The following ZNF516 variants were observed in gnomAD, a reference collection of about 807,000 sequenced individuals.
ZNF516 encodes zinc finger protein 516.
ZNF516 carries 19 observed loss-of-function variants against 79.7 expected under a neutral mutation model. The observed-to-expected ratio is 0.24, with a 90% CI of 0.17 to 0.35. ZNF516 has a LOEUF of 0.35. Among genes scored for constraint, ZNF516 ranks in the 10% least tolerant of loss-of-function variants. The probability of loss-of-function intolerance (pLI) is 1.00; values close to 1 mark genes in which losing one functional copy is unlikely to be tolerated. For synonymous variants in ZNF516, 877 were observed against 739.5 expected, an observed-to-expected ratio of 1.19 and a Z score of -3.02; for missense variants, 1,678 against 1,679.5, an observed-to-expected ratio of 1.00 and a Z score of 0.02.
Position 76,441,964 on chromosome 18 carries a change from C to A in ZNF516, c.1091G>T (p.Arg364Leu). Reference sequence around the variant, plus strand: ...CCCCTCCTCGGCCGGGGCGCGCGTGCGGCTGGCCTCGACTCTGCGGTGGAT... The same window carrying A: ...CCCCTCCTCGGCCGGGGCGCGCGTGAGGCTGGCCTCGACTCTGCGGTGGAT... ...NAIHRRVEAS[R>L]TRAPAEEGAE... The change falls in exon 3 of 7, where the codon CGC becomes CTC. Residue 364 changes from arginine to leucine, a missense_variant. By Grantham distance (102) the Arg-to-Leu change is moderately radical. Around this residue, in one of 5 missense-constraint regions of ZNF516, gnomAD observed 1,294 missense variants for 1,248.3 expected, o/e 1.04. Transcript: ENST00000443185. 1 of 1,612,204 alleles carries A rather than the reference C, an allele frequency of 6.2e-7. No individual in the cohort carries two copies. Among genetic ancestry groups the A allele is most frequent in the Non-Finnish European group, 8.5e-7 (1 of 1,179,632 alleles).
At position 76,359,994 on chromosome 18, in the gene ZNF516, C is replaced by A; in HGVS notation, c.*2504G>T. On this transcript the variant is annotated 3_prime_UTR_variant, in exon 7 of 7. Coordinates refer to ENST00000443185, the MANE Select transcript of ZNF516 (RefSeq NM_014643.4). The stretch of plus-strand genomic sequence containing the variant: ...GCCCACAGCTGGCCTCAAGGGATGG[C>A]GTTCTTGGGGGGGCTCCCCAGTCTG... 1 of 152,412 alleles carries A rather than the reference C, an allele frequency of 6.6e-6. No homozygotes were observed. The highest frequency in any genetic ancestry group is 1.5e-5 in the Non-Finnish European group (1 of 68,080). 9.4% of individuals were successfully genotyped at this position (152,412 alleles called of 1,614,324 possible).
chr18:76,374,802 C>T (rs1165761351), intron 4 of ZNF516, among the ~76,000 whole-genome samples: 4 of 152,188 alleles, frequency 2.6e-5, no homozygotes, highest in Admixed American at 2.6e-4. Flanking sequence ...GTGATCTTTA[C>T]AGCTGCAGAC....
intron 1 of ZNF516, among the ~76,000 whole-genome samples, chr18:76,473,483 A>ATG (rs1468102761): frequency 6.6e-6 from 1 of 152,102 alleles, no homozygotes; most frequent in African/African-American, 2.4e-5. Flanking sequence ...TAAAAGTTTA[A>ATG]TGTGTGGTCA....
Position 76,378,925 on chromosome 18 carries a change from C to T in ZNF516, c.3189G>A (p.Thr1063=). The part of the protein sequence containing the change: ...KRLDILNIFK[T]YIPKDFATLY... ...GGGTCGCAAAGTCCTTTGGAATGTA[C>T]GTCTTAAAGATGTTGAGGATGTCCA... is the stretch of plus-strand genomic sequence containing the variant. Residue 1063 remains threonine, a synonymous_variant, in exon 4 of 7, where the codon ACG becomes ACA. Transcript: ENST00000443185. The T allele has an allele frequency of 6.2e-7, 1 of 1,613,852 alleles. No homozygotes were observed. Among genetic ancestry groups the T allele is most frequent in the Non-Finnish European group, 8.5e-7 (1 of 1,179,828 alleles).
intron 3 of ZNF516, among the ~76,000 whole-genome samples, chr18:76,385,254 G>T (rs1442569103): frequency 1.3e-5 from 2 of 152,226 alleles, no homozygotes; most frequent in Non-Finnish European, 2.9e-5. Flanking sequence ...TAGGTCTTGG[G>T]TGACTTCACT....
chr18:76,453,214 C>A (rs967124122), intron 2 of ZNF516, among the ~76,000 whole-genome samples: 1 of 152,148 alleles, frequency 6.6e-6, no homozygotes, highest in Non-Finnish European at 1.5e-5. Context: ...AAAGAGCTGG[C>A]GTTAGGGATT....
At chr18:76,427,510 A>C (rs1208595042) in intron 3 of ZNF516, among the ~76,000 whole-genome samples, 1 of 152,272 alleles carries the variant, frequency 6.6e-6, no homozygotes, top group Non-Finnish European at 1.5e-5. Flanking sequence ...ACGAGGTTTT[A>C]CATGGGTTAA....
chr18:76,443,737 C>T (rs1015968976), intron 2 of ZNF516, among the ~76,000 whole-genome samples: 2 of 152,192 alleles, frequency 1.3e-5, no homozygotes, highest in African/African-American at 4.8e-5. Flanking sequence ...CATTGTTAGG[C>T]GATTTCGTCC....
chr18:76,490,837 C>T (rs186267201), intron 1 of ZNF516: 4 of 985,482 alleles, frequency 4.1e-6, no homozygotes, highest in African/African-American at 1.7e-5. Context: ...TCCTTTGTTA[C>T]GCAGGGGACA....
Position 76,487,843 on chromosome 18 carries a change from A to G in ZNF516, c.-272+7301T>C, listed in dbSNP as rs201993612. On this transcript the variant is annotated intron_variant, in intron 1 of 6. Transcript: ENST00000443185. ...ATGCTGTCTCCTCTATGGCCCCTAG[A>G]TACATTCCCGTAATAGGCTGCTGCC... 7.2e-5 allele frequency: 54 copies of G among 750,584 alleles called. No individual in the cohort carries two copies. The East Asian group carries it at 2.3e-3, about 32-fold the overall frequency. The allele number at this position is 750,584 out of a possible 1,614,324, so 46.5% of individuals were successfully genotyped here.
At chr18:76,424,390 G>A (rs1433098960) in intron 3 of ZNF516, among the ~76,000 whole-genome samples, 2 of 113,820 alleles carry the variant, frequency 1.8e-5, no homozygotes, top group Non-Finnish European at 3.6e-5. Flanking sequence ...GGTCCCCCCC[G>A]AAACACACGC....
chr18:76,419,258 A>C (rs2075476197), intron 3 of ZNF516, among the ~76,000 whole-genome samples: 1 of 152,226 alleles, frequency 6.6e-6, no homozygotes, highest in Non-Finnish European at 1.5e-5. Context: ...GGATAGAGAC[A>C]AGTATCTTCC....
intron 1 of ZNF516, among the ~76,000 whole-genome samples, chr18:76,486,389 A>G (rs1914835212): frequency 6.6e-6 from 1 of 152,128 alleles, no homozygotes; most frequent in South Asian, 2.1e-4. Context: ...AAATTCCTAA[A>G]CAAATGTCCT....
At chr18:76,384,372 C>T (rs1431302743) in intron 3 of ZNF516, among the ~76,000 whole-genome samples, 6 of 130,600 alleles carry the variant, frequency 4.6e-5, no homozygotes, top group South Asian at 2.8e-4. Flanking sequence ...TCCACGGTTC[C>T]GACACCCCCA....
chr18:76,432,833 A>AG (rs1484606288), intron 3 of ZNF516, among the ~76,000 whole-genome samples: 4 of 152,240 alleles, frequency 2.6e-5, no homozygotes, highest in Non-Finnish European at 5.9e-5. Flanking sequence ...GAAAGGGCTT[A>AG]GCCAACTTCT....
rs548153034 is a variant in ZNF516, at chr18:76,362,256, T to C, written c.*242A>G. On this transcript the variant is annotated 3_prime_UTR_variant, in exon 7 of 7. Transcript: ENST00000443185. ...GACGATGAGCACGTAAATGCGTATA[T>C]AGTATCTACATGTATTTCTAGAATA... The C allele has an allele frequency of 8.2e-6, 4 of 489,050 alleles. No individual in the cohort carries two copies. Among genetic ancestry groups the C allele is most frequent in the African/African-American group, 5.7e-5 (3 of 52,604 alleles). 30.3% of individuals were successfully genotyped at this position (489,050 alleles called of 1,614,324 possible).
At chr18:76,496,285 G>A (rs761810121), upstream of ZNF516, 78 of 1,288,958 alleles carry the variant, frequency 6.1e-5, no homozygotes, top group Non-Finnish European at 7.5e-5. Flanking sequence ...CCAGGCTCCT[G>A]GCCGTATTGT....
At position 76,379,169 on chromosome 18, in the gene ZNF516, G is replaced by A. The variant is rs780718671; in HGVS notation, c.2945C>T (p.Pro982Leu). Residue 982 changes from proline to leucine, a missense_variant, in exon 4 of 7, where the codon CCT (proline) becomes CTT (leucine). This residue lies in a region of ZNF516 where 1,294 missense variants were observed against 1,248.3 expected (regional missense o/e 1.04). Coordinates refer to ENST00000443185, the MANE Select transcript of ZNF516 (RefSeq NM_014643.4). ...GCCCTTTGCAGGAGGTGGACCCTGAGGCTGAGCACTGAATTTGGCTTTCAG... is the reference window on the plus strand; with the variant it reads ...GCCCTTTGCAGGAGGTGGACCCTGAAGCTGAGCACTGAATTTGGCTTTCAG... ...DSLKAKFSAQ[P>L]QGPPPAKGEG... 11 of 1,612,816 alleles carry A rather than the reference G, an allele frequency of 6.8e-6. No individual in the cohort carries two copies. In the Admixed American group the frequency reaches 1.7e-4, roughly 24 times the overall value.
chr18:76,418,620 A>G (rs902528612), intron 3 of ZNF516, among the ~76,000 whole-genome samples: 8 of 151,374 alleles, frequency 5.3e-5, no homozygotes, highest in African/African-American at 1.5e-4. Flanking sequence ...TTAAAATATG[A>G]AAAAAAAACC....
Sources: allele counts gnomAD v4.1 joint callset (sites outside exome capture counted in the v4.1 genomes callset), GRCh38; gene constraint gnomAD v4.1.1; regional missense constraint gnomAD v4.1.1; transcripts MANE v1.5; gene names NCBI Gene and HGNC (gene_info 2026-07-23, HGNC 2026-07-21).